The following PRIM2 variants were observed in gnomAD, a reference collection of about 807,000 sequenced individuals.
The protein encoded by PRIM2 is DNA primase subunit 2, also known as DNA primase large subunit.
PRIM2 carries 39 observed loss-of-function variants against 67.3 expected under a neutral mutation model. The observed-to-expected ratio is 0.58, with a 90% CI of 0.45 to 0.76. PRIM2 has a LOEUF of 0.76. PRIM2 is among the 30% of genes least tolerant of loss of function. PRIM2 has a pLI of 0.00. For missense variants in PRIM2, 398 were observed against 598.7 expected (o/e 0.66, Z 3.50); for synonymous variants, 143 against 198.7 (o/e 0.72, Z 2.36).
intron 8 of PRIM2, among the ~76,000 whole-genome samples, chr6:57,515,246 G>A (rs1774458212): frequency 1.3e-5 from 2 of 152,284 alleles, no homozygotes; most frequent in African/African-American, 4.8e-5. Context: ...TATCAGATAT[G>A]TATAGCTTTT....
At chr6:57,542,833 C>A (rs1401053444) in intron 10 of PRIM2, among the ~76,000 whole-genome samples, 2 of 148,188 alleles carry the variant, frequency 1.3e-5, no homozygotes, top group African/African-American at 5.0e-5. Context: ...TACTAAATTA[C>A]AATATTCTCT....
the PRIM2 span, among the ~76,000 whole-genome samples, chr6:57,228,803 G>C: frequency 6.6e-6 from 1 of 152,174 alleles, no homozygotes; most frequent in Non-Finnish European, 1.5e-5. Flanking sequence ...CTTGTAAAAT[G>C]GAGATAATAG....
At chr6:57,556,591 G>C (rs1443283892) in intron 10 of PRIM2, among the ~76,000 whole-genome samples, 1 of 152,132 alleles carries the variant, frequency 6.6e-6, no homozygotes, top group East Asian at 1.9e-4. Flanking sequence ...ATATGTAGAA[G>C]ATTGAAACTG....
chr6:57,476,587 G>A (rs1773482599), intron 7 of PRIM2, among the ~76,000 whole-genome samples: 2 of 152,088 alleles, frequency 1.3e-5, no homozygotes, highest in African/African-American at 2.4e-5. Flanking sequence ...GTATTAGAAC[G>A]TAACCATCAT....
At chr6:57,643,201 A>C (rs1294270077) in intron 13 of PRIM2, among the ~76,000 whole-genome samples, 1 of 152,208 alleles carries the variant, frequency 6.6e-6, no homozygotes, top group African/African-American at 2.4e-5. Flanking sequence ...GAAGCGAGGT[A>C]TAGAAAATGC....
intron 7 of PRIM2, among the ~76,000 whole-genome samples, chr6:57,475,092 G>T (rs1365195375): frequency 3.3e-5 from 5 of 152,152 alleles, no homozygotes; most frequent in African/African-American, 1.2e-4. Context: ...AGCCAGAAGG[G>T]CCTATGGAGA....
chr6:57,323,607 C>G (rs925492050), intron 3 of PRIM2, among the ~76,000 whole-genome samples: 30 of 151,740 alleles, frequency 2.0e-4, no homozygotes, highest in African/African-American at 7.3e-4. Context: ...GGGGAACACC[C>G]CACACCAGGG....
Position 57,381,955 on chromosome 6 carries a change from A to G in PRIM2, c.556-76A>G, listed in dbSNP as rs565904650. On this transcript the variant is annotated intron_variant, in intron 6 of 13. Transcript: ENST00000615550. ...AGGACTAATGAATTTCTTTGTTTAT[A>G]CTTTATACATATGAAGACTTAGGAT... 1.7e-3 allele frequency: 2,451 copies of G among 1,442,458 alleles called. 29 individuals are homozygous for G. In the African/African-American group the frequency reaches 0.025, roughly 15 times the overall value. The allele number at this position is 1,442,458 out of a possible 1,614,324, so 89.4% of individuals were successfully genotyped here.
At chr6:57,269,145 AC>A in the PRIM2 span, among the ~76,000 whole-genome samples, 2 of 151,908 alleles carry the variant, frequency 1.3e-5, 1 homozygote, top group South Asian at 4.2e-4. Context: ...TTGGGTATAT[AC>A]CCAGTAATGG....
chr6:57,311,242 G>GGGGCGGCC (rs1767381947), upstream of PRIM2, among the ~76,000 whole-genome samples: 5 of 146,624 alleles, frequency 3.4e-5, no homozygotes, highest in East Asian at 2.1e-4. Flanking sequence ...CCTCCCGGAC[G>GGGGCGGCC]GGGCATCCGG....
intron 7 of PRIM2, among the ~76,000 whole-genome samples, chr6:57,501,929 C>T (rs1554346908): frequency 1.2e-4 from 19 of 152,136 alleles, no homozygotes; most frequent in African/African-American, 3.9e-4. Context: ...TCACTGTAAA[C>T]GACTTTGAAC....
intron 10 of PRIM2, among the ~76,000 whole-genome samples, chr6:57,594,417 C>G (rs1776331560): frequency 6.6e-6 from 1 of 152,146 alleles, no homozygotes; most frequent in Admixed American, 6.5e-5. Context: ...TACTCTAAAG[C>G]TATTGTAATC....
chr6:57,273,370 ATTCAT>A, the PRIM2 span, among the ~76,000 whole-genome samples: 1 of 152,030 alleles, frequency 6.6e-6, no homozygotes, highest in African/African-American at 2.4e-5. Context: ...ACTTCATTTC[ATTCAT>A]TTCATCTTCC....
intron 7 of PRIM2, among the ~76,000 whole-genome samples, chr6:57,447,567 A>G (rs1209553462): frequency 3.3e-5 from 5 of 152,218 alleles, no homozygotes; most frequent in African/African-American, 1.2e-4. Context: ...ACAGTGGGAG[A>G]TAATGATCAC....
intron 7 of PRIM2, among the ~76,000 whole-genome samples, chr6:57,489,665 G>C (rs1309019723): frequency 6.6e-6 from 1 of 152,306 alleles, no homozygotes; most frequent in African/African-American, 2.4e-5. Context: ...GTAGTACAGG[G>C]AGCTGTTCCT....
At chr6:57,631,881 A>C (rs1443494590) in intron 12 of PRIM2, among the ~76,000 whole-genome samples, 2 of 152,202 alleles carry the variant, frequency 1.3e-5, no homozygotes, top group African/African-American at 2.4e-5. Flanking sequence ...TAAAGTTATT[A>C]AAATGTACAG....
chr6:57,396,787 T>A (rs1770530116), intron 7 of PRIM2, among the ~76,000 whole-genome samples: 1 of 152,192 alleles, frequency 6.6e-6, no homozygotes, highest in Non-Finnish European at 1.5e-5. Context: ...TTAAAATGGT[T>A]CTGTTTTGAT....
chr6:57,393,830 AT>A (rs1770438576), intron 7 of PRIM2, among the ~76,000 whole-genome samples: 1 of 151,542 alleles, frequency 6.6e-6, no homozygotes, highest in Non-Finnish European at 1.5e-5. Context: ...TCATCAGTTG[AT>A]TTTTGCATAA....
At chr6:57,279,863 A>G in the PRIM2 span, among the ~76,000 whole-genome samples, 1 of 152,184 alleles carries the variant, frequency 6.6e-6, no homozygotes, top group Non-Finnish European at 1.5e-5. Context: ...CTGTTGAGTG[A>G]GGCTGTGGCT....
Sources: gnomAD v4.1 joint callset for allele counts (sites outside exome capture counted in the v4.1 genomes callset) on GRCh38, gnomAD v4.1.1 for gene constraint, MANE v1.5 for transcripts, NCBI Gene and HGNC (gene_info 2026-07-23, HGNC 2026-07-21) for gene names.